MS4A7: variants seen among roughly 807,000 people sequenced by gnomAD.
The protein encoded by MS4A7 is membrane spanning 4-domains A7.
A neutral mutation model predicts 23.5 loss-of-function variants in MS4A7; 21 were observed. The ratio of observed to expected loss-of-function variants is 0.89; its 90% CI spans 0.63 to 1.29. MS4A7 has a LOEUF of 1.29. Among genes scored for constraint, MS4A7 ranks in the 50% most tolerant of loss-of-function variants. The pLI is 0.00. For synonymous variants in MS4A7, 111 were observed against 107.4 expected, an observed-to-expected ratio of 1.03 and a Z score of -0.21; for missense variants, 263 against 274.2, an observed-to-expected ratio of 0.96 and a Z score of 0.29.
intron 1 of MS4A7, 61 bp from the exon 2 acceptor site, chr11:60,383,068 G>A: frequency 6.4e-7 from 1 of 1,554,806 alleles, no homozygotes; most frequent in South Asian, 1.2e-5. Context: ...TATGGTCCCT[G>A]GGAAGTTTAT....
rs1262062466 is a variant in MS4A7, at chr11:60,394,783, C to G, written c.*922C>G. 1 of 293,612 alleles carries G rather than the reference C, an allele frequency of 3.4e-6. No individual in the cohort carries two copies. Among genetic ancestry groups the G allele is most frequent in the Non-Finnish European group, 6.1e-6 (1 of 164,682 alleles). 18.2% of individuals were successfully genotyped at this position (293,612 alleles called of 1,614,324 possible). On this transcript the variant is annotated 3_prime_UTR_variant, in exon 7 of 7. Transcript: ENST00000300184. ...CACCACTGCATTCCAGCCCGGCCTACAAGAACAAAACTCCATCTCAAAATA... is the reference window on the plus strand; with the variant it reads ...CACCACTGCATTCCAGCCCGGCCTAGAAGAACAAAACTCCATCTCAAAATA...
At chr11:60,392,851 C>T (rs2085568974) in intron 6 of MS4A7, 65 bp downstream of exon 6, 2 of 1,192,568 alleles carry the variant, frequency 1.7e-6, no homozygotes. Flanking sequence ...ATAATCCAAC[C>T]TCAAAAAGTG....
At chr11:60,385,259 T>A (rs972926661) in intron 3 of MS4A7, 37 bp downstream of exon 3, 2 of 1,612,142 alleles carry the variant, frequency 1.2e-6, no homozygotes, top group African/African-American at 2.7e-5. Flanking sequence ...GGACATGCTT[T>A]ATAAATGCTA....
chr11:60,380,700 C>T (rs1321439042), intron 1 of MS4A7, among the ~76,000 whole-genome samples: 1 of 152,134 alleles, frequency 6.6e-6, no homozygotes, highest in Non-Finnish European at 1.5e-5. Flanking sequence ...CCACACAGAG[C>T]AAGGTAAAAG....
chr11:60,382,783 T>C (rs1283269092), intron 1 of MS4A7, among the ~76,000 whole-genome samples: 2 of 151,934 alleles, frequency 1.3e-5, no homozygotes, highest in East Asian at 1.9e-4. Flanking sequence ...ATACAGGAGA[T>C]AGGGAAGGGA....
chr11:60,392,982 G>A (rs1187136355), intron 6 of MS4A7, among the ~76,000 whole-genome samples, 196 bp downstream of exon 6: 1 of 152,156 alleles, frequency 6.6e-6, no homozygotes, highest in Non-Finnish European at 1.5e-5. Flanking sequence ...CTAGCCAGGT[G>A]CAGTGGCACA....
intron 3 of MS4A7, 98 bp from the exon 4 acceptor site, chr11:60,386,619 T>C: frequency 1.0e-6 from 1 of 996,932 alleles, no homozygotes; most frequent in African/African-American, 1.6e-5. Context: ...TCCCTAAAAG[T>C]TTTCCAACAT....
chr11:60,381,634 A>T lies in MS4A7; in HGVS notation c.-13-1495A>T, dbSNP rs183838751. Among the ~76,000 whole-genome samples, 3 of 152,342 alleles carry T rather than the reference A, an allele frequency of 2.0e-5. No individual in the cohort carries two copies. The East Asian group carries it at 5.8e-4, about 29-fold the overall frequency. On this transcript the variant is annotated intron_variant, in intron 1 of 6. Coordinates refer to ENST00000300184, the MANE Select transcript of MS4A7 (RefSeq NM_021201.5). ...TATCCTGCCTACGGCCAGCTCATCA[A>T]TATCAGAACTGGGCTTCCAATGAAT...
intron 3 of MS4A7, among the ~76,000 whole-genome samples, chr11:60,386,143 C>T (rs1186110105): frequency 6.6e-6 from 1 of 152,172 alleles, no homozygotes; most frequent in African/African-American, 2.4e-5. Flanking sequence ...TCTCAGAATA[C>T]CCTTCCTCTG....
At chr11:60,378,721 A>G (rs2085397715) in intron 1 of MS4A7, 57 bp downstream of exon 1, 1 of 152,270 alleles carries the variant, frequency 6.6e-6, no homozygotes, top group South Asian at 2.1e-4. Flanking sequence ...TTTTGAAAAG[A>G]CAGCCAGGGA....
At chr11:60,392,332 G>C (rs953804856) in intron 5 of MS4A7, among the ~76,000 whole-genome samples, 6 of 151,986 alleles carry the variant, frequency 3.9e-5, no homozygotes, top group African/African-American at 1.5e-4. Flanking sequence ...TCAGATTGAA[G>C]GAATGCATTG....
chr11:60,393,730 C>T (rs2085579074), intron 6 of MS4A7, 57 bp from the exon 7 acceptor site: 2 of 1,411,192 alleles, frequency 1.4e-6, no homozygotes, highest in African/African-American at 1.4e-5. Context: ...TATGAGTTAT[C>T]TTTTTTAATC....
chr11:60,389,444 C>G lies in MS4A7; in HGVS notation c.394C>G (p.Leu132Val). Residue 132 changes from leucine (L) to valine (V), a missense_variant, in exon 5 of 7, where the codon CTC (leucine) becomes GTC (valine). Physicochemically the swap from Leu to Val is conservative, Grantham distance 32. Coordinates refer to ENST00000300184, the MANE Select transcript of MS4A7 (RefSeq NM_021201.5). Reference sequence around the variant, plus strand: ...GAGTTCTGTTACTGCAGGAGCAGGCCTCTTCCTCCTTGCTGACAGCATGGT... The same window carrying G: ...GAGTTCTGTTACTGCAGGAGCAGGCGTCTTCCTCCTTGCTGACAGCATGGT... ...AVSSVTAGAG[L>V]FLLADSMVAL... The G allele has an allele frequency of 1.2e-6, 2 of 1,614,074 alleles. No homozygotes were observed. Among genetic ancestry groups the G allele is most frequent in the Non-Finnish European group, 1.7e-6 (2 of 1,179,942 alleles).
At chr11:60,386,544 C>G in intron 3 of MS4A7, 173 bp from the exon 4 acceptor site, 2 of 535,798 alleles carry the variant, frequency 3.7e-6, no homozygotes, top group South Asian at 6.5e-5. Context: ...TATAGACATT[C>G]TTATATCAGG....
chr11:60,389,126 G>A (rs995232877), intron 4 of MS4A7: 3 of 444,090 alleles, frequency 6.8e-6, no homozygotes, highest in African/African-American at 5.9e-5. Flanking sequence ...GAGTGCTATA[G>A]AGAGTCAATG....
intron 5 of MS4A7, chr11:60,389,823 A>G (rs1171813556): frequency 3.8e-6 from 2 of 532,334 alleles, no homozygotes; most frequent in African/African-American, 1.9e-5. Context: ...TAGGGAGTCT[A>G]TCCCTCCACT....
intron 4 of MS4A7, 145 bp from the exon 5 acceptor site, chr11:60,389,245 A>T (rs2085522725): frequency 1.6e-6 from 1 of 622,842 alleles, no homozygotes; most frequent in Non-Finnish European, 2.8e-6. Context: ...AGATACAAAG[A>T]TGAATAAAAC....
At position 60,389,497 on chromosome 11, in the gene MS4A7, T is replaced by C; in HGVS notation, c.447T>C (p.Cys149=). 1 of 1,614,132 alleles carries C rather than the reference T, an allele frequency of 6.2e-7. No individual in the cohort carries two copies. The highest frequency in any genetic ancestry group is 8.5e-7 in the Non-Finnish European group (1 of 1,179,960). The change falls in exon 5 of 7, where the codon TGT becomes TGC. Residue 149 remains cysteine (C), a synonymous_variant. Transcript: ENST00000300184. ...CCCTGAGGACTGCCTCTCAACATTG[T>C]GGCTCAGAAATGGATTATCTATCCT... The part of the protein sequence containing the change: ...MVALRTASQH[C]GSEMDYLSSL...
intron 2 of MS4A7, among the ~76,000 whole-genome samples, chr11:60,383,928 G>A (rs1311740144): frequency 6.6e-6 from 1 of 152,096 alleles, no homozygotes; most frequent in Non-Finnish European, 1.5e-5. Context: ...AATTAACTTT[G>A]AGCTTATTTT....
Sources: allele counts gnomAD v4.1 joint callset (sites outside exome capture counted in the v4.1 genomes callset), GRCh38; gene constraint gnomAD v4.1.1; transcripts MANE v1.5; gene names NCBI Gene and HGNC (gene_info 2026-07-23, HGNC 2026-07-21).